SCN8A: variants seen among roughly 807,000 people sequenced by gnomAD.
The protein encoded by SCN8A is sodium channel protein type 8 subunit alpha.
Under a neutral mutation model 184.1 loss-of-function variants are expected in SCN8A, and 30 were observed. That is an observed-to-expected ratio of 0.16 (90% confidence interval 0.12 to 0.22). The LOEUF is 0.22. SCN8A is among the 10% of genes least tolerant of loss of function. SCN8A has a pLI of 1.00. For synonymous variants in SCN8A, 852 were observed against 907.0 expected, an observed-to-expected ratio of 0.94 and a Z score of 1.09; for missense variants, 1,057 against 2,498.9, an observed-to-expected ratio of 0.42 and a Z score of 12.30.
intron 12 of SCN8A, among the ~76,000 whole-genome samples, chr12:51,734,320 A>G (rs57792817): frequency 0.077 from 11,667 of 152,260 alleles, 807 homozygotes; most frequent in African/African-American, 0.18. Context: ...TTCAGAGCTG[A>G]GAGCCCCAAA....
rs1282195787 is a variant in SCN8A, at chr12:51,679,090, A to AAAT, written c.277-5081_277-5079dup. ...GGCTCCGTCTCCAAAAAAAATAAAA[A>AAAT]AATAAAAAAAAATAAAGCTACTCAC... is the stretch of plus-strand genomic sequence containing the variant. On this transcript the variant is annotated intron_variant, in intron 2 of 26. Coordinates refer to ENST00000627620, the MANE Select transcript of SCN8A (RefSeq NM_001330260.2). 3.9e-3 allele frequency among the ~76,000 whole-genome samples: 152 copies of AAAT among 39,270 alleles called. 1 individual carries two copies. The highest frequency in any genetic ancestry group is 8.1e-3 in the East Asian group (1 of 124). The allele number at this position is 39,270 out of a possible 152,430, so 25.8% of individuals were successfully genotyped here.
chr12:51,678,989 T>C (rs994756775), intron 2 of SCN8A, among the ~76,000 whole-genome samples: 1 of 151,584 alleles, frequency 6.6e-6, no homozygotes, highest in African/African-American at 2.4e-5. Flanking sequence ...GGCAGGAGAA[T>C]GGCATGAACC....
chr12:51,681,855 A>G (rs1941340134), intron 2 of SCN8A, among the ~76,000 whole-genome samples: 1 of 152,178 alleles, frequency 6.6e-6, no homozygotes, highest in African/African-American at 2.4e-5. Flanking sequence ...GTGCATTGGG[A>G]GTACATAGGC....
intron 15 of SCN8A, among the ~76,000 whole-genome samples, chr12:51,763,338 A>C (rs1942790381): frequency 1.3e-5 from 2 of 152,180 alleles, no homozygotes; most frequent in Admixed American, 1.3e-4. Flanking sequence ...TTTATTATAA[A>C]ATGGGCTTTG....
intron 15 of SCN8A, among the ~76,000 whole-genome samples, chr12:51,763,853 G>A (rs1303299481): frequency 2.0e-5 from 3 of 152,202 alleles, no homozygotes; most frequent in Admixed American, 1.3e-4. Flanking sequence ...AACTGAAAAG[G>A]TTTAAAGTTT....
intron 1 of SCN8A, among the ~76,000 whole-genome samples, chr12:51,645,708 T>C (rs964462308): frequency 7.3e-5 from 11 of 150,264 alleles, no homozygotes; most frequent in African/African-American, 2.7e-4. Context: ...TTGAATGGAT[T>C]AAGGGCGGTG....
chr12:51,648,759 A>T (rs1223231050), intron 1 of SCN8A, among the ~76,000 whole-genome samples: 1 of 152,200 alleles, frequency 6.6e-6, no homozygotes, highest in Non-Finnish European at 1.5e-5. Context: ...TGGGAGTACA[A>T]TTCAAGATGA....
intron 14 of SCN8A, among the ~76,000 whole-genome samples, chr12:51,758,981 T>TAA (rs1491344970): frequency 7.2e-6 from 1 of 139,030 alleles, no homozygotes; most frequent in African/African-American, 3.0e-5. Flanking sequence ...TGTATGTATG[T>TAA]ATATGTGTGT....
At chr12:51,755,939 C>G (rs1252953808) in intron 14 of SCN8A, among the ~76,000 whole-genome samples, 1 of 151,974 alleles carries the variant, frequency 6.6e-6, no homozygotes, top group Non-Finnish European at 1.5e-5. Context: ...CCTGTATAGG[C>G]TCTGGGTGCC....
chr12:51,674,807 A>G (rs1018168618), intron 2 of SCN8A, among the ~76,000 whole-genome samples: 1 of 152,176 alleles, frequency 6.6e-6, no homozygotes, highest in African/African-American at 2.4e-5. Flanking sequence ...CTTTATAACA[A>G]CCTGATAAAA....
chr12:51,648,138 A>T (rs1229464224), intron 1 of SCN8A, among the ~76,000 whole-genome samples: 1 of 152,168 alleles, frequency 6.6e-6, no homozygotes, highest in Non-Finnish European at 1.5e-5. Flanking sequence ...CACAGGAAGA[A>T]TTTTTTTCAT....
chr12:51,638,017 G>T (rs1940356765), intron 1 of SCN8A, among the ~76,000 whole-genome samples: 1 of 152,040 alleles, frequency 6.6e-6, no homozygotes, highest in South Asian at 2.1e-4. Context: ...GGTAATTAAT[G>T]GCCTCTTAAG....
intron 21 of SCN8A, among the ~76,000 whole-genome samples, chr12:51,784,296 G>C (rs998422260): frequency 4.6e-5 from 7 of 152,200 alleles, no homozygotes; most frequent in Admixed American, 4.6e-4. Flanking sequence ...TCTTATGCCT[G>C]TAATCCCAGA....
intron 8 of SCN8A, 47 bp from the exon 9 acceptor site, chr12:51,702,726 G>T: frequency 6.9e-7 from 1 of 1,456,854 alleles, no homozygotes; most frequent in South Asian, 1.6e-5. Flanking sequence ...GGTCATGGCT[G>T]GGTGGAATTA....
rs1202007719 is a variant in SCN8A, at chr12:51,793,296, G to A, written c.4525-1075G>A. Among the ~76,000 whole-genome samples, 12 of 152,270 alleles carry A rather than the reference G, an allele frequency of 7.9e-5. No individual in the cohort carries two copies. In the East Asian group the frequency reaches 1.9e-3, roughly 24 times the overall value. On this transcript the variant is annotated intron_variant, in intron 25 of 26. Coordinates refer to ENST00000627620, the MANE Select transcript of SCN8A (RefSeq NM_001330260.2). ...GGGAGAAGAAAGAGACAAAGATGAT[G>A]CCCAGATTCCTGGCTTGAGAGCCTG... is the stretch of plus-strand genomic sequence containing the variant.
At position 51,751,360 on chromosome 12, in the gene SCN8A, G is replaced by C. The variant is rs1555224345; in HGVS notation, c.2137G>C (p.Glu713Gln). The C allele has an allele frequency of 3.7e-6, 6 of 1,611,722 alleles. No individual in the cohort carries two copies. Among genetic ancestry groups the C allele is most frequent in the Non-Finnish European group, 4.2e-6 (5 of 1,178,292 alleles). ...VVTNTLVEEL[E>Q]ESQRKCPPCW... ...TTTGTTCTTACTTACTGTAGAACTG[G>C]AAGAGTCTCAGAGAAAGTGCCCGCC... Residue 713 changes from glutamate to glutamine, a missense_variant, in exon 14 of 27, where the codon GAA becomes CAA. By Grantham distance (29) the Glu-to-Gln change is conservative (BLOSUM62 2). Transcript: ENST00000627620.
intron 1 of SCN8A, among the ~76,000 whole-genome samples, chr12:51,637,167 T>C (rs1159213193): frequency 6.6e-6 from 1 of 152,192 alleles, no homozygotes; most frequent in Admixed American, 6.5e-5. Flanking sequence ...TAATAAATGT[T>C]ATGTGTGTTC....
At chr12:51,615,758 C>T (rs1939822710) in intron 1 of SCN8A, among the ~76,000 whole-genome samples, 1 of 152,086 alleles carries the variant, frequency 6.6e-6, no homozygotes. Context: ...TACTCTGTCA[C>T]CCAGGCTGGA....
intron 26 of SCN8A, among the ~76,000 whole-genome samples, chr12:51,799,696 C>A (rs1331901081): frequency 7.9e-5 from 12 of 152,202 alleles, no homozygotes; most frequent in Admixed American, 7.9e-4. Context: ...AACTGGCAGC[C>A]TTTCAGGTGA....
Sources: allele counts gnomAD v4.1 joint callset (sites outside exome capture counted in the v4.1 genomes callset), GRCh38; gene constraint gnomAD v4.1.1; transcripts MANE v1.5; gene names NCBI Gene and HGNC (gene_info 2026-07-23, HGNC 2026-07-21).